Variants in NEGR1 observed in about 807,000 individuals in gnomAD.
The protein encoded by NEGR1 is neuronal growth regulator 1.
A neutral mutation model predicts 40.9 loss-of-function variants in NEGR1; 10 were observed. That is an observed-to-expected ratio of 0.24 (90% CI 0.15 to 0.42). The LOEUF is 0.42. Among genes scored for constraint, NEGR1 ranks in the 10% least tolerant of loss-of-function variants. The pLI is 1.00. For missense variants in NEGR1, 352 were observed against 438.9 expected, an observed-to-expected ratio of 0.80 and a Z score of 1.77; for synonymous variants, 185 against 166.8, an observed-to-expected ratio of 1.11 and a Z score of -0.84.
intron 3 of NEGR1, among the ~76,000 whole-genome samples, chr1:71,705,664 G>A (rs1045542268): frequency 2.6e-5 from 4 of 152,032 alleles, no homozygotes; most frequent in Non-Finnish European, 5.9e-5. Flanking sequence ...AGCTTGCAAC[G>A]AGCTGAGATC....
Position 72,071,947 on chromosome 1 carries a change from T to G in NEGR1, c.177-136636A>C, listed in dbSNP as rs1211635270. Reference sequence around the variant, plus strand: ...CTTAAGAAGTTTTCAATAGCTCCTATAGATTTTAGAAAAAGTCCAAACTCC... The same window carrying G: ...CTTAAGAAGTTTTCAATAGCTCCTAGAGATTTTAGAAAAAGTCCAAACTCC... On this transcript the variant is annotated intron_variant, in intron 1 of 6. Transcript: ENST00000357731. 2.0e-5 allele frequency among the ~76,000 whole-genome samples: 3 copies of G among 152,130 alleles called. No individual in the cohort carries two copies. The South Asian group carries it at 6.2e-4, about 31-fold the overall frequency.
intron 1 of NEGR1, among the ~76,000 whole-genome samples, chr1:72,234,510 A>C (rs1467490817): frequency 6.6e-6 from 1 of 152,132 alleles, no homozygotes; most frequent in Non-Finnish European, 1.5e-5. Flanking sequence ...AGATGGGAGA[A>C]AATTTTTGCA....
At chr1:71,537,822 G>A (rs1647558312) in intron 6 of NEGR1, among the ~76,000 whole-genome samples, 1 of 151,650 alleles carries the variant, frequency 6.6e-6, no homozygotes, top group South Asian at 2.1e-4. Context: ...TTTTGTCATT[G>A]GAGTCATTAA....
chr1:71,498,381 G>T (rs923873344), intron 6 of NEGR1, among the ~76,000 whole-genome samples: 1 of 151,696 alleles, frequency 6.6e-6, no homozygotes, highest in Non-Finnish European at 1.5e-5. Context: ...AGAAAAGCCG[G>T]GTTTCCAATT....
chr1:71,951,205 T>A (rs1371129827), intron 1 of NEGR1, among the ~76,000 whole-genome samples: 1 of 152,000 alleles, frequency 6.6e-6, no homozygotes, highest in Non-Finnish European at 1.5e-5. Context: ...AGTATACTTT[T>A]GATTTAGCCA....
chr1:71,480,010 T>C (rs1471985651), intron 6 of NEGR1, among the ~76,000 whole-genome samples: 1 of 151,962 alleles, frequency 6.6e-6, no homozygotes, highest in Non-Finnish European at 1.5e-5. Flanking sequence ...CACTTGTAAA[T>C]ATTTTAAGGC....
At chr1:71,702,953 T>C (rs1653750538) in intron 3 of NEGR1, among the ~76,000 whole-genome samples, 1 of 151,984 alleles carries the variant, frequency 6.6e-6, no homozygotes, top group South Asian at 2.1e-4. Context: ...GGGATGGAAG[T>C]AGTGGTGCAG....
intron 2 of NEGR1, among the ~76,000 whole-genome samples, chr1:71,847,079 A>T (rs1378940640): frequency 6.6e-6 from 1 of 152,034 alleles, no homozygotes; most frequent in East Asian, 1.9e-4. Flanking sequence ...ACTCCAATCA[A>T]ATCCCCCCAT....
chr1:71,950,540 T>C (rs1646060312), intron 1 of NEGR1, among the ~76,000 whole-genome samples: 2 of 152,124 alleles, frequency 1.3e-5, no homozygotes, highest in Admixed American at 1.3e-4. Flanking sequence ...GCTTTCTCTA[T>C]AGTTCTCTAC....
At chr1:71,410,681 C>T (rs1646313780) in intron 6 of NEGR1, among the ~76,000 whole-genome samples, 2 of 151,992 alleles carry the variant, frequency 1.3e-5, no homozygotes, top group Admixed American at 1.3e-4. Context: ...TGGGGGATGC[C>T]ATTGTTATGC....
intron 1 of NEGR1, among the ~76,000 whole-genome samples, chr1:72,251,035 A>G (rs1350327127): frequency 6.6e-6 from 1 of 152,176 alleles, no homozygotes; most frequent in Non-Finnish European, 1.5e-5. Flanking sequence ...GGGAACCCCC[A>G]GTCGAATTCA....
At chr1:71,576,913 C>T (rs370025741) in intron 6 of NEGR1, among the ~76,000 whole-genome samples, 21 of 152,134 alleles carry the variant, frequency 1.4e-4, no homozygotes, top group African/African-American at 4.6e-4. Context: ...CAAACTGGAA[C>T]AAAAATCATA....
At chr1:71,851,563 C>A (rs1268125583) in intron 2 of NEGR1, among the ~76,000 whole-genome samples, 2 of 152,158 alleles carry the variant, frequency 1.3e-5, no homozygotes, top group East Asian at 3.9e-4. Context: ...GGGATCTGCA[C>A]AATCAGCAAC....
At chr1:71,628,082 G>C (rs1381630914) in intron 4 of NEGR1, among the ~76,000 whole-genome samples, 3 of 152,026 alleles carry the variant, frequency 2.0e-5, no homozygotes, top group Non-Finnish European at 2.9e-5. Context: ...AATGTATTTG[G>C]AAATTGAAAA....
chr1:72,164,371 G>C (rs1651696084), intron 1 of NEGR1, among the ~76,000 whole-genome samples: 1 of 151,676 alleles, frequency 6.6e-6, no homozygotes, highest in African/African-American at 2.4e-5. Flanking sequence ...ATTGCTATCT[G>C]TTTAGCAAGT....
intron 6 of NEGR1, among the ~76,000 whole-genome samples, chr1:71,582,600 T>C: frequency 6.6e-6 from 1 of 152,188 alleles, no homozygotes; most frequent in South Asian, 2.1e-4. Flanking sequence ...GAAGAGATTC[T>C]CTGGGGGAAA....
chr1:71,917,350 T>C (rs925497776), intron 2 of NEGR1, among the ~76,000 whole-genome samples: 1 of 152,230 alleles, frequency 6.6e-6, no homozygotes, highest in Non-Finnish European at 1.5e-5. Context: ...CTGAAATATA[T>C]AGCTTTCTAT....
At chr1:72,074,503 T>C (rs574570622) in intron 1 of NEGR1, among the ~76,000 whole-genome samples, 154 of 152,098 alleles carry the variant, frequency 1.0e-3, no homozygotes, top group Non-Finnish European at 1.5e-3. Flanking sequence ...CTACACCATT[T>C]TTCCCTCTCG....
At chr1:71,431,610 A>G (rs1329845591) in intron 6 of NEGR1, among the ~76,000 whole-genome samples, 1 of 150,676 alleles carries the variant, frequency 6.6e-6, no homozygotes, top group East Asian at 1.9e-4. Flanking sequence ...TTTATTAAAT[A>G]TAATGTATAC....
Sources: allele counts gnomAD v4.1 joint callset (sites outside exome capture counted in the v4.1 genomes callset), GRCh38; gene constraint gnomAD v4.1.1; transcripts MANE v1.5; gene names NCBI Gene and HGNC (gene_info 2026-07-23, HGNC 2026-07-21).